The following FAAH2 variants were observed in gnomAD, a reference collection of about 807,000 sequenced individuals.
FAAH2 encodes fatty-acid amide hydrolase 2.
A neutral mutation model predicts 36.9 loss-of-function variants in FAAH2; 60 were observed. The observed-to-expected ratio is 1.63, with a 90% CI of 1.32 to 2.02. The LOEUF (loss-of-function observed/expected upper bound fraction) is 2.02. Among genes scored for constraint, FAAH2 ranks in the 30% most tolerant of loss-of-function variants. The probability of loss-of-function intolerance (pLI) is 0.00; values close to 1 mark genes in which losing one functional copy is unlikely to be tolerated. For synonymous variants in FAAH2, 214 were observed against 143.8 expected, an observed-to-expected ratio of 1.49 and a Z score of -3.49; for missense variants, 689 against 397.5, an observed-to-expected ratio of 1.73 and a Z score of -6.23.
chrX:57,435,197 T>A (rs965650924), intron 8 of FAAH2, among the ~76,000 whole-genome samples: 5 of 111,329 alleles, frequency 4.5e-5, no homozygotes, highest in Non-Finnish European at 3.8e-5. Context: ...CTCAATGATA[T>A]TATAAAACAA....
chrX:57,462,520 A>G (rs1400423985), intron 10 of FAAH2, among the ~76,000 whole-genome samples: 2 of 112,393 alleles, frequency 1.8e-5, no homozygotes, highest in Non-Finnish European at 3.8e-5. Flanking sequence ...AAATCAATAA[A>G]CATAACCCAT....
intron 5 of FAAH2, among the ~76,000 whole-genome samples, chrX:57,371,020 AG>A (rs1340597726): frequency 4.4e-5 from 5 of 112,389 alleles, no homozygotes; most frequent in Non-Finnish European, 3.8e-5. Context: ...TCTTGTCAAC[AG>A]CATGTGGAAG....
chrX:57,301,735 C>T (rs1235100831), intron 2 of FAAH2, among the ~76,000 whole-genome samples: 1 of 110,829 alleles, frequency 9.0e-6, no homozygotes, highest in Non-Finnish European at 1.9e-5. Context: ...AAAACTGGTT[C>T]AACATTGCAT....
At chrX:57,227,735 T>A in the FAAH2 span, among the ~76,000 whole-genome samples, 1 of 111,403 alleles carries the variant, frequency 9.0e-6, no homozygotes, top group Non-Finnish European at 1.9e-5. Context: ...CTTTGTCTCC[T>A]GCCACCAGGG....
At chrX:57,473,283 C>A (rs905111570) in intron 10 of FAAH2, among the ~76,000 whole-genome samples, 1 of 111,127 alleles carries the variant, frequency 9.0e-6, no homozygotes, top group Non-Finnish European at 1.9e-5. Context: ...TCATTGTTCA[C>A]CCAAAAATTA....
the FAAH2 span, among the ~76,000 whole-genome samples, chrX:57,141,365 A>G: frequency 8.9e-6 from 1 of 111,979 alleles, no homozygotes; most frequent in Non-Finnish European, 1.9e-5. Context: ...TTTTGCATGT[A>G]TATTTATTGG....
intron 7 of FAAH2, among the ~76,000 whole-genome samples, chrX:57,410,898 T>C (rs1436071269): frequency 1.8e-5 from 2 of 112,003 alleles, no homozygotes; most frequent in African/African-American, 6.5e-5. Flanking sequence ...AGTGATTATT[T>C]TGAATTCTTT....
chrX:57,453,587 C>A (rs1247517548), intron 10 of FAAH2, among the ~76,000 whole-genome samples: 2 of 111,067 alleles, frequency 1.8e-5, no homozygotes, highest in African/African-American at 3.3e-5. Flanking sequence ...GCAGGAACAG[C>A]CTCTAGAATA....
At chrX:57,232,850 A>G in the FAAH2 span, among the ~76,000 whole-genome samples, 1 of 112,222 alleles carries the variant, frequency 8.9e-6, no homozygotes, top group Admixed American at 9.4e-5. Flanking sequence ...ATCTCTACAA[A>G]CTCTCAAACT....
chrX:57,386,462 G>A (rs749057900), intron 7 of FAAH2, among the ~76,000 whole-genome samples: 4 of 111,504 alleles, frequency 3.6e-5, no homozygotes, highest in Non-Finnish European at 7.5e-5. Context: ...GCGAGCTGGA[G>A]GATAAATGCA....
intron 1 of FAAH2, among the ~76,000 whole-genome samples, chrX:57,287,953 T>G (rs886138860): frequency 7.2e-5 from 8 of 111,559 alleles, no homozygotes; most frequent in Non-Finnish European, 1.3e-4. Flanking sequence ...AGACATATCC[T>G]GTCTTCTTGC....
chrX:57,432,922 T>C (rs2056334096), intron 8 of FAAH2, among the ~76,000 whole-genome samples: 1 of 107,932 alleles, frequency 9.3e-6, no homozygotes, highest in Admixed American at 9.9e-5. Flanking sequence ...ATATCTCACA[T>C]ACAATAGCCC....
chrX:57,376,563 A>G (rs2054685250), intron 5 of FAAH2, among the ~76,000 whole-genome samples: 1 of 111,976 alleles, frequency 8.9e-6, no homozygotes, highest in Non-Finnish European at 1.9e-5. Flanking sequence ...ATTGATGGGC[A>G]TTTGGGTCAG....
At chrX:57,456,100 C>T (rs1297670966) in intron 10 of FAAH2, among the ~76,000 whole-genome samples, 1 of 111,861 alleles carries the variant, frequency 8.9e-6, no homozygotes, top group African/African-American at 3.2e-5. Context: ...CCATACCAAG[C>T]AAACTCTCAG....
chrX:57,466,166 A>ATG (rs2057047040), intron 10 of FAAH2, among the ~76,000 whole-genome samples: 6 of 101,927 alleles, frequency 5.9e-5, no homozygotes, highest in Admixed American at 4.4e-4. Context: ...CTATATATAT[A>ATG]TATATATATA....
the FAAH2 span, chrX:57,135,874 T>C: frequency 2.0e-5 from 24 of 1,208,220 alleles, no homozygotes; most frequent in Admixed American, 8.7e-5. Context: ...TCATCAAACT[T>C]GATGAAATAC....
At chrX:57,441,857 T>C (rs182777557) in intron 8 of FAAH2, among the ~76,000 whole-genome samples, 1 of 111,817 alleles carries the variant, frequency 8.9e-6, no homozygotes, top group African/African-American at 3.2e-5. Context: ...TGCCTTCATT[T>C]CGTTATGTAC....
chrX:57,358,155 CT>C lies in FAAH2; in HGVS notation c.742+16777del, dbSNP rs1315542647. 8.4e-3 allele frequency among the ~76,000 whole-genome samples: 479 copies of C among 56,696 alleles called. 3 individuals carry two copies. The highest frequency in any genetic ancestry group is 0.029 in the African/African-American group (413 of 14,242). The allele number at this position is 56,696 out of a possible 115,157, so 49.2% of individuals were successfully genotyped here. On this transcript the variant is annotated intron_variant, in intron 5 of 10. Transcript: ENST00000374900. The stretch of plus-strand genomic sequence containing the variant: ...AAAAGTTAGGTAGTTAGTTTGAGAT[CT>C]TTTTTTTTTTTAAATTTTATTTAAA...
At chrX:57,257,930 T>A in the FAAH2 span, among the ~76,000 whole-genome samples, 2,871 of 111,878 alleles carry the variant, frequency 0.026, 85 homozygotes, top group African/African-American at 0.089. Context: ...GCTATCTCTA[T>A]CAAAATTCCA....
Sources: allele counts gnomAD v4.1 joint callset (sites outside exome capture counted in the v4.1 genomes callset), GRCh38; gene constraint gnomAD v4.1.1; transcripts MANE v1.5; gene names NCBI Gene and HGNC (gene_info 2026-07-23, HGNC 2026-07-21).